Variants in AZIN2 observed in about 807,000 individuals in gnomAD.
The protein encoded by AZIN2 is ODC antizyme inhibitor-2.
AZIN2 carries 28 observed loss-of-function variants against 47.8 expected under a neutral mutation model. The ratio of observed to expected loss-of-function variants is 0.59; its 90% confidence interval spans 0.43 to 0.80. AZIN2 has a LOEUF of 0.80. AZIN2 is among the 30% of genes least tolerant of loss of function. The pLI is 0.00. For synonymous variants in AZIN2, 221 were observed against 239.4 expected (o/e 0.92, Z 0.71); for missense variants, 535 against 582.5 (o/e 0.92, Z 0.84).
At position 33,098,082 on chromosome 1, in the gene AZIN2, C is replaced by T; in HGVS notation, c.932C>T (p.Thr311Ile). 2 of 1,614,106 alleles carry T rather than the reference C, an allele frequency of 1.2e-6. No homozygotes were observed. The highest frequency in any genetic ancestry group is 2.2e-5 in the South Asian group (2 of 91,078). Residue 311 changes from threonine to isoleucine, a missense_variant, in exon 10 of 12, where the codon ACC becomes ATC. This residue lies in a region of AZIN2 where 409 missense variants were observed against 429.0 expected (regional missense o/e 0.95). Coordinates refer to ENST00000294517, the MANE Select transcript of AZIN2 (RefSeq NM_052998.4). ...QPGREEENGS[T>I]SKTIVYHLDE... ...CCTCCTGCAGAGGAAAATGGTTCCA[C>T]CTCCAAGACCATCGTGTACCACCTT...
At chr1:33,115,851 G>C (rs188829701) in intron 10 of AZIN2, among the ~76,000 whole-genome samples, 69 of 152,296 alleles carry the variant, frequency 4.5e-4, no homozygotes, top group Non-Finnish European at 5.6e-4. Flanking sequence ...ATCCAAGGGT[G>C]CCTTTTCTCT....
At chr1:33,099,484 C>T (rs2124568695) in intron 10 of AZIN2, among the ~76,000 whole-genome samples, 1 of 152,344 alleles carries the variant, frequency 6.6e-6, no homozygotes, top group Non-Finnish European at 1.5e-5. Flanking sequence ...ACCAGGCCAG[C>T]CAGCTTACAG....
the AZIN2 span, among the ~76,000 whole-genome samples, chr1:33,138,177 C>T: frequency 6.6e-6 from 1 of 152,138 alleles, no homozygotes; most frequent in South Asian, 2.1e-4. Context: ...TTCTGGGCAT[C>T]TGCTGCGGCA....
intron 10 of AZIN2, among the ~76,000 whole-genome samples, chr1:33,100,408 C>T (rs1643588119): frequency 6.6e-6 from 1 of 151,606 alleles, no homozygotes; most frequent in African/African-American, 2.4e-5. Flanking sequence ...CCATGCTTGG[C>T]CCTTTTTTGT....
the AZIN2 span, among the ~76,000 whole-genome samples, chr1:33,152,260 A>G: frequency 6.6e-6 from 1 of 152,158 alleles, no homozygotes; most frequent in Non-Finnish European, 1.5e-5. Context: ...TGGCCCCAGA[A>G]AGCCTGTTCA....
the AZIN2 span, among the ~76,000 whole-genome samples, chr1:33,149,798 TA>T: frequency 1.3e-5 from 2 of 152,024 alleles, no homozygotes; most frequent in African/African-American, 4.8e-5. Flanking sequence ...TGGCGTGGGG[TA>T]TTATCTTCTG....
chr1:33,097,977 G>A (rs1643331424), intron 9 of AZIN2, 90 bp from the exon 10 acceptor site: 2 of 874,286 alleles, frequency 2.3e-6, no homozygotes, highest in African/African-American at 1.7e-5. Context: ...TAGCCATTTT[G>A]CTTCCTTACT....
intron 5 of AZIN2, among the ~76,000 whole-genome samples, chr1:33,088,659 A>G (rs1569920167): frequency 6.6e-6 from 1 of 152,164 alleles, no homozygotes; most frequent in Non-Finnish European, 1.5e-5. Flanking sequence ...CCACTGCAGC[A>G]TTCTCTGTTC....
intron 5 of AZIN2, among the ~76,000 whole-genome samples, chr1:33,088,448 G>A (rs1441582671): frequency 1.3e-5 from 2 of 152,166 alleles, no homozygotes; most frequent in Non-Finnish European, 2.9e-5. Flanking sequence ...TATTCCCCCA[G>A]AATCCCCTTG....
intron 10 of AZIN2, among the ~76,000 whole-genome samples, chr1:33,099,389 C>A (rs1284957269): frequency 2.0e-5 from 3 of 152,172 alleles, no homozygotes; most frequent in Non-Finnish European, 2.9e-5. Flanking sequence ...CCCCAAGGTG[C>A]TGAGGAATGC....
rs140633523 is a variant in AZIN2 at position 33,086,652 on chromosome 1, G to A, written c.279+2525G>A. 3.0e-3 allele frequency among the ~76,000 whole-genome samples: 455 copies of A among 152,316 alleles called. 4 individuals carry two copies. Among genetic ancestry groups the A allele is most frequent in the African/African-American group, 0.01 (428 of 41,566 alleles). ...ATGTGCAGACAGACATGCGTTGGAC[G>A]GGGGCCAGGGCCACAGCTTGCTCGG... On this transcript the variant is annotated intron_variant, in intron 5 of 11. Transcript: ENST00000294517.
intron 10 of AZIN2, among the ~76,000 whole-genome samples, chr1:33,116,559 T>G (rs928312812): frequency 2.0e-5 from 3 of 152,164 alleles, no homozygotes; most frequent in Admixed American, 1.3e-4. Flanking sequence ...ATTATTTGAA[T>G]AAGCACCTAA....
chr1:33,100,787 T>A (rs1192687841), intron 10 of AZIN2, among the ~76,000 whole-genome samples: 1 of 152,086 alleles, frequency 6.6e-6, no homozygotes, highest in Non-Finnish European at 1.5e-5. Context: ...AACTGTCTCA[T>A]AATGGTTTTT....
intron 10 of AZIN2, among the ~76,000 whole-genome samples, chr1:33,116,469 T>C (rs1335038916): frequency 1.3e-5 from 2 of 152,228 alleles, no homozygotes; most frequent in African/African-American, 4.8e-5. Context: ...TCCATTCATA[T>C]CCTTTTTCTC....
chr1:33,084,239 C>T (rs1641619018), intron 5 of AZIN2, 112 bp downstream of exon 5: 1 of 1,332,336 alleles, frequency 7.5e-7, no homozygotes, highest in Non-Finnish European at 1.0e-6. Flanking sequence ...TTGGTCCTTG[C>T]CCTCTGGGAA....
In AZIN2 at chr1:33,082,325, C is replaced by T; in HGVS notation, c.76C>T (p.Leu26Phe). ...CAGTACCCGAGACCTGCTGAAGGAA[C>T]TCACTCTGGGGGCCTCACAGGCCAC... The part of the protein sequence containing the change: ...GFSTRDLLKE[L>F]TLGASQATTD... The change falls in exon 4 of 12, where the codon CTC (leucine) becomes TTC (phenylalanine). Residue 26 changes from leucine (L) to phenylalanine (F), a missense_variant. Leu to Phe is a conservative substitution (Grantham distance 22, BLOSUM62 0). Around this residue, in one of 3 missense-constraint regions of AZIN2, gnomAD observed 409 missense variants for 429.0 expected, o/e 0.95. Transcript: ENST00000294517. 6.2e-7 allele frequency: 1 copy of T among 1,614,024 alleles called. No homozygotes were observed. The highest frequency in any genetic ancestry group is 8.5e-7 in the Non-Finnish European group (1 of 1,179,960).
downstream of AZIN2, among the ~76,000 whole-genome samples, chr1:33,123,970 C>T (rs1644838744): frequency 6.6e-6 from 1 of 151,254 alleles, no homozygotes; most frequent in Non-Finnish European, 1.5e-5. Context: ...CACTCCAGCC[C>T]GGATGACAGT....
chr1:33,108,622 C>T (rs1371607530), intron 10 of AZIN2, among the ~76,000 whole-genome samples: 1 of 152,188 alleles, frequency 6.6e-6, no homozygotes, highest in African/African-American at 2.4e-5. Flanking sequence ...GGATTACAGG[C>T]ATGAACCACC....
At chr1:33,139,742 T>C in the AZIN2 span, among the ~76,000 whole-genome samples, 1 of 152,154 alleles carries the variant, frequency 6.6e-6, no homozygotes, top group Non-Finnish European at 1.5e-5. Flanking sequence ...TTAGCCTGTA[T>C]TGGGCTGCTG....
Sources: gnomAD v4.1 joint callset for allele counts (sites outside exome capture counted in the v4.1 genomes callset) on GRCh38, gnomAD v4.1.1 for gene constraint, gnomAD v4.1.1 regional missense constraint, MANE v1.5 for transcripts, NCBI Gene and HGNC (gene_info 2026-07-23, HGNC 2026-07-21) for gene names.